RAP1GAP: variants seen among roughly 807,000 people sequenced by gnomAD.
RAP1GAP encodes the protein RAP1 GTPase activating protein, also known as rap1 GTPase-activating protein 1.
In RAP1GAP, 35 loss-of-function variants were observed where a neutral mutation model predicts 87.2. The observed-to-expected ratio is 0.40, with a 90% confidence interval of 0.31 to 0.53. The LOEUF is 0.53. Ranked by LOEUF, RAP1GAP falls within the 20% of genes least tolerant of loss-of-function variation. The probability of loss-of-function intolerance (pLI) is 0.48; values close to 1 mark genes in which losing one functional copy is unlikely to be tolerated. For synonymous variants in RAP1GAP, 375 were observed against 363.9 expected (o/e 1.03, Z -0.35); for missense variants, 734 against 898.9 (o/e 0.82, Z 2.35).
intron 2 of RAP1GAP, among the ~76,000 whole-genome samples, chr1:21,649,021 C>T (rs1180605598): frequency 1.3e-5 from 2 of 152,084 alleles, no homozygotes; most frequent in Non-Finnish European, 2.9e-5. Flanking sequence ...CGTCGGGGGG[C>T]TCTCCTGCTG....
intron 1 of RAP1GAP, among the ~76,000 whole-genome samples, chr1:21,651,078 A>C (rs946308389): frequency 3.3e-5 from 5 of 151,942 alleles, no homozygotes; most frequent in African/African-American, 1.2e-4. Context: ...CGTCCCTCCA[A>C]TTTGCCAAAT....
chr1:21,606,289 A>G (rs112540247), intron 17 of RAP1GAP, 92 bp from the exon 18 acceptor site: 1 of 1,490,092 alleles, frequency 6.7e-7, no homozygotes, highest in South Asian at 1.2e-5. Context: ...GTCTCTCCCC[A>G]GCAATGCCAC....
intron 2 of RAP1GAP, among the ~76,000 whole-genome samples, chr1:21,644,912 A>G (rs1296115323): frequency 6.7e-6 from 1 of 149,828 alleles, no homozygotes; most frequent in Non-Finnish European, 1.5e-5. Context: ...AAAAAAAAAA[A>G]AAAAAAAAGA....
chr1:21,637,145 CTTTTTTT>C (rs869047762), intron 2 of RAP1GAP, among the ~76,000 whole-genome samples: 5 of 128,508 alleles, frequency 3.9e-5, no homozygotes, highest in East Asian at 4.2e-4. Flanking sequence ...TCTTTTTTTT[CTTTTTTT>C]TTTTTTTTTT....
Position 21,622,176 on chromosome 1 carries a change from G to T in RAP1GAP, c.-18-2126C>A, listed in dbSNP as rs1222454605. On this transcript the variant is annotated intron_variant, in intron 3 of 24. Transcript: ENST00000374765. This position sits in a 1 kb window ranked among gnomAD's most constrained non-coding sequence, Gnocchi z 5.7. ...CCCCAGGGTCCGGGACCCCAGGGTA[G>T]GGGTGCGCCCCGTGGCCAGTGTCAG... is the stretch of plus-strand genomic sequence containing the variant. Among the ~76,000 whole-genome samples the T allele has an allele frequency of 6.6e-6, 1 of 152,132 alleles. No individual in the cohort carries two copies. The highest frequency in any genetic ancestry group is 6.5e-5 in the Admixed American group (1 of 15,288).
chr1:21,609,590 G>A lies in RAP1GAP; in HGVS notation c.1056C>T (p.Pro352=), dbSNP rs915926381. 12 of 1,574,618 alleles carry A rather than the reference G, an allele frequency of 7.6e-6. No individual in the cohort carries two copies. The highest frequency in any genetic ancestry group is 1.8e-5 in the Admixed American group (1 of 56,418). Residue 352 remains proline, a synonymous_variant, in exon 15 of 25, where the codon CCC becomes CCT. Transcript: ENST00000374765. This position sits in a 1 kb window ranked among gnomAD's most constrained non-coding sequence, Gnocchi z 4.4. ...VPFFGPPLPD[P]AVFRKGPEFQ... is the part of the protein sequence containing the mutation. The stretch of plus-strand genomic sequence containing the variant: ...TGCCCCTCACCTTCCTGAACACAGC[G>A]GGGTCCGGGAGGGGGGGTCCAAAGA...
At chr1:21,659,860 T>C (rs1301237494) in intron 1 of RAP1GAP, among the ~76,000 whole-genome samples, 1 of 151,956 alleles carries the variant, frequency 6.6e-6, no homozygotes, top group Non-Finnish European at 1.5e-5. Flanking sequence ...ACAATCATCT[T>C]CCCCATTTCA....
rs116309748 is a variant in RAP1GAP, at chr1:21,624,649, C to T, written c.-19+1655G>A. Among the ~76,000 whole-genome samples the T allele has an allele frequency of 3.4e-3, 520 of 152,060 alleles. 2 individuals are homozygous for T. Among genetic ancestry groups the T allele is most frequent in the African/African-American group, 0.012 (490 of 41,494 alleles). On this transcript the variant is annotated intron_variant, in intron 3 of 24. Transcript: ENST00000374765. ...CTGTCAAAGGAGGATGGTCCACAGA[C>T]TCTTGATTCTGAGGTGGGGGTGGGC...
chr1:21,634,281 C>A lies in RAP1GAP; in HGVS notation c.-112-7884G>T, dbSNP rs1256274933. On this transcript the variant is annotated intron_variant, in intron 2 of 24. Coordinates refer to ENST00000374765, the MANE Select transcript of RAP1GAP (RefSeq NM_002885.4). This position sits in a 1 kb window ranked among gnomAD's most constrained non-coding sequence, Gnocchi z 4.1. ...CACAGGCACGGGAGGCTCCTGTGTC[C>A]CCTTTCCCTGGGCACCGTTGACCTC... Among the ~76,000 whole-genome samples the A allele has an allele frequency of 6.6e-6, 1 of 152,128 alleles. No homozygotes were observed. Among genetic ancestry groups the A allele is most frequent in the Non-Finnish European group, 1.5e-5 (1 of 68,010 alleles).
In RAP1GAP at chr1:21,611,438, G is replaced by A. The variant is rs754098777; in HGVS notation, c.843+14C>T. On this transcript the variant is annotated intron_variant, in intron 13 of 24. Coordinates refer to ENST00000374765, the MANE Select transcript of RAP1GAP (RefSeq NM_002885.4). ...AGGTGGAAGACAGGAGGCAGGTGGG[G>A]GTGCCCAGGCTACCTGCTGGGCGTC... The A allele has an allele frequency of 3.7e-6, 6 of 1,609,322 alleles. No homozygotes were observed. The South Asian group carries it at 4.4e-5, about 12-fold the overall frequency.
At chr1:21,666,689 G>A (rs1405882875) in intron 1 of RAP1GAP, among the ~76,000 whole-genome samples, 2 of 152,154 alleles carry the variant, frequency 1.3e-5, no homozygotes, top group Non-Finnish European at 2.9e-5. Context: ...CATCCCACAC[G>A]CAGGAAGCTG....
intron 2 of RAP1GAP, among the ~76,000 whole-genome samples, chr1:21,632,660 T>C (rs2093987510): frequency 6.6e-6 from 1 of 152,080 alleles, no homozygotes; most frequent in Admixed American, 6.6e-5. Flanking sequence ...AGCACTTTGG[T>C]AGGCTGAGGT....
rs765908276 is a variant in RAP1GAP at position 21,619,092 on chromosome 1, T to C, written c.19-20A>G. 2.5e-6 allele frequency: 4 copies of C among 1,588,834 alleles called. No individual in the cohort carries two copies. In the South Asian group the frequency reaches 4.6e-5, roughly 18 times the overall value. ...GCTTCCCTGTAAGAGAAGGCAGCAC[T>C]GTTACACCCTCCCAGGCCTGCCGCC... On this transcript the variant is annotated intron_variant, in intron 4 of 24. Transcript: ENST00000374765.
chr1:21,603,921 C>A lies in RAP1GAP; in HGVS notation c.1429-1008G>T. 1 of 1,524,284 alleles carries A rather than the reference C, an allele frequency of 6.6e-7. No homozygotes were observed. The highest frequency in any genetic ancestry group is 8.9e-7 in the Non-Finnish European group (1 of 1,128,750). The allele number at this position is 1,524,284 out of a possible 1,614,324, so 94.4% of individuals were successfully genotyped here. On this transcript the variant is annotated intron_variant, in intron 18 of 24. Transcript: ENST00000374765. This position sits in a 1 kb window ranked among gnomAD's most constrained non-coding sequence, Gnocchi z 6.0. ...CCAGGAATAAGCAATGACTGGCAAG[C>A]AGCAGAGGGCGGGGGCAGAGAGAGA... is the stretch of plus-strand genomic sequence containing the variant.
intron 3 of RAP1GAP, among the ~76,000 whole-genome samples, chr1:21,625,836 C>T (rs2091772145): frequency 6.6e-6 from 1 of 152,132 alleles, no homozygotes; most frequent in African/African-American, 2.4e-5. Context: ...AGGTACTGGG[C>T]AAACGTTTGA....
chr1:21,600,097 G>A (rs1299795624), intron 20 of RAP1GAP, among the ~76,000 whole-genome samples: 1 of 152,150 alleles, frequency 6.6e-6, no homozygotes, highest in Non-Finnish European at 1.5e-5. Flanking sequence ...CAGGTGGGAG[G>A]GCAGGGGTTG....
Position 21,631,877 on chromosome 1 carries a change from C to T in RAP1GAP, c.-112-5480G>A, listed in dbSNP as rs372664339. On this transcript the variant is annotated intron_variant, in intron 2 of 24. Transcript: ENST00000374765. The stretch of plus-strand genomic sequence containing the variant: ...CAGCGTGCATCCCACTGTCCTCAGC[C>T]CAGGCCCTCAGTCCCGTCACCTGGC... 2.0e-5 allele frequency among the ~76,000 whole-genome samples: 3 copies of T among 152,144 alleles called. No individual in the cohort carries two copies. In the South Asian group the frequency reaches 6.2e-4, roughly 31 times the overall value.
At chr1:21,652,360 GCA>G (rs2096644680) in intron 1 of RAP1GAP, among the ~76,000 whole-genome samples, 1 of 152,180 alleles carries the variant, frequency 6.6e-6, no homozygotes, top group Admixed American at 6.5e-5. Context: ...ATGAGTTCAC[GCA>G]CGTAAAGCGC....
intron 2 of RAP1GAP, among the ~76,000 whole-genome samples, chr1:21,638,223 C>T (rs1418235588): frequency 1.3e-5 from 2 of 151,482 alleles, no homozygotes; most frequent in Admixed American, 6.6e-5. Flanking sequence ...TTTGGGAGGC[C>T]AAGTCAGGTG....
Sources: allele counts gnomAD v4.1 joint callset (sites outside exome capture counted in the v4.1 genomes callset), GRCh38; gene constraint gnomAD v4.1.1; non-coding constraint Gnocchi (gnomAD v3.1); transcripts MANE v1.5; gene names NCBI Gene and HGNC (gene_info 2026-07-23, HGNC 2026-07-21).